The following EHMT1 variants were observed in gnomAD, a reference collection of about 807,000 sequenced individuals.
EHMT1 encodes the protein histone-lysine N-methyltransferase EHMT1.
A neutral mutation model predicts 147.2 loss-of-function variants in EHMT1; 15 were observed. The observed-to-expected ratio is 0.10, with a 90% CI of 0.07 to 0.16. The LOEUF is 0.16. Ranked by LOEUF, EHMT1 falls within the 10% of genes least tolerant of loss-of-function variation. The pLI is 1.00. For missense variants in EHMT1, 1,587 were observed against 1,772.4 expected (o/e 0.90, Z 1.88); for synonymous variants, 795 against 709.6 (o/e 1.12, Z -1.91).
chr9:137,692,213 A>G (rs917772915), intron 1 of EHMT1, among the ~76,000 whole-genome samples: 2 of 151,550 alleles, frequency 1.3e-5, no homozygotes, highest in Non-Finnish European at 1.5e-5. Flanking sequence ...TTCACATGGC[A>G]TGTCGTCACT....
Position 137,775,139 on chromosome 9 carries a change from T to C in EHMT1, c.1678T>C (p.Tyr560His). Residue 560 changes from tyrosine (Y) to histidine (H), a missense_variant, in exon 11 of 27, where the codon TAT (tyrosine) becomes CAT (histidine). Transcript: ENST00000460843. This position sits in a 1 kb window ranked among gnomAD's most constrained non-coding sequence, Gnocchi z 6.1. ...CCGGTGCACAAACAGCGTGGTCAAG[T>C]ATGAGCTGATGCGCCCCTCCAACAA... ...LGRCTNSVVKYELMRPSNKAP... is the reference protein window; with the variant it reads ...LGRCTNSVVKHELMRPSNKAP... The C allele has an allele frequency of 6.2e-7, 1 of 1,614,082 alleles. No homozygotes were observed. Among genetic ancestry groups the C allele is most frequent in the Admixed American group, 1.7e-5 (1 of 60,032 alleles).
intron 6 of EHMT1, among the ~76,000 whole-genome samples, chr9:137,749,281 T>TTG (rs375464290): frequency 2.0e-5 from 3 of 151,746 alleles, no homozygotes; most frequent in African/African-American, 7.3e-5. Flanking sequence ...ACTTTATTAT[T>TTG]TGTGTGTGTG....
intron 1 of EHMT1, among the ~76,000 whole-genome samples, chr9:137,631,284 C>T (rs1047742064): frequency 6.6e-5 from 10 of 151,718 alleles, no homozygotes; most frequent in African/African-American, 9.7e-5. Context: ...CCCAGCTACT[C>T]GGGAGGCTGA....
chr9:137,636,347 T>G (rs1844071334), intron 1 of EHMT1, among the ~76,000 whole-genome samples: 1 of 152,262 alleles, frequency 6.6e-6, no homozygotes, highest in South Asian at 2.1e-4. Flanking sequence ...TATAGGATTA[T>G]GTCATTTGGG....
intron 10 of EHMT1, among the ~76,000 whole-genome samples, chr9:137,773,069 G>T (rs542185524): frequency 6.6e-5 from 10 of 152,164 alleles, no homozygotes; most frequent in Admixed American, 5.9e-4. Context: ...CATGCCGATT[G>T]TAAAATAATC....
In EHMT1 at chr9:137,693,467, G is replaced by A. The variant is rs971565826; in HGVS notation, c.22-17500G>A. Among the ~76,000 whole-genome samples, 5 of 152,084 alleles carry A rather than the reference G, an allele frequency of 3.3e-5. 1 individual carries two copies. In the South Asian group the frequency reaches 8.3e-4, roughly 25 times the overall value. ...GGCACAGAGAGGTTAAGAAACCAAG[G>A]TTACGCATCTCATTAATGACAGAGC... On this transcript the variant is annotated intron_variant, in intron 1 of 26. Transcript: ENST00000460843.
chr9:137,687,434 TAGAGTTGAGGTAG>T (rs954196650), intron 1 of EHMT1, among the ~76,000 whole-genome samples: 3 of 151,922 alleles, frequency 2.0e-5, no homozygotes, highest in Non-Finnish European at 2.9e-5. Flanking sequence ...GGAGTTGAGG[TAGAGTTGAGGTAG>T]AGAGTTGAGG....
chr9:137,647,884 A>G (rs1688943222), intron 1 of EHMT1, among the ~76,000 whole-genome samples: 2 of 152,056 alleles, frequency 1.3e-5, no homozygotes, highest in South Asian at 4.1e-4. Flanking sequence ...GACGTGAGCC[A>G]CCGCGCCCGG....
At chr9:137,742,847 A>G (rs914225024) in intron 4 of EHMT1, 2 of 189,478 alleles carry the variant, frequency 1.1e-5, no homozygotes, top group Non-Finnish European at 2.2e-5. Context: ...GTGGAGTCAC[A>G]GGGGTGGACC....
At chr9:137,722,880 CCGGGG>C in intron 3 of EHMT1, among the ~76,000 whole-genome samples, 1 of 151,828 alleles carries the variant, frequency 6.6e-6, no homozygotes, top group African/African-American at 2.4e-5. Flanking sequence ...GGGCCTGAGC[CCGGGG>C]TGTGTCTGTG....
At position 137,717,061 on chromosome 9, in the gene EHMT1, C is replaced by A. The variant is rs914534643; in HGVS notation, c.521C>A (p.Ala174Asp). The A allele has an allele frequency of 6.2e-7, 1 of 1,607,482 alleles. No individual in the cohort carries two copies. The highest frequency in any genetic ancestry group is 1.7e-5 in the Admixed American group (1 of 59,646). ...AGCGCTTTTCCCCAGACGCCAGCCGCCCCACCAGCCACCCTTGGGGAGGGG... is the reference window on the plus strand; with the variant it reads ...AGCGCTTTTCCCCAGACGCCAGCCGACCCACCAGCCACCCTTGGGGAGGGG... ...TPSAFPQTPA[A>D]PPATLGEGSA... The change falls in exon 3 of 27, where the codon GCC (alanine) becomes GAC (aspartate). Residue 174 changes from alanine to aspartate, a missense_variant. Transcript: ENST00000460843.
At chr9:137,668,612 C>T (rs1939977908) in intron 1 of EHMT1, among the ~76,000 whole-genome samples, 1 of 152,172 alleles carries the variant, frequency 6.6e-6, no homozygotes, top group Admixed American at 6.5e-5. Flanking sequence ...CAGTTCCTTC[C>T]CGTGTCCCCC....
intron 25 of EHMT1, among the ~76,000 whole-genome samples, chr9:137,822,130 C>T (rs1955465593): frequency 6.6e-6 from 1 of 152,202 alleles, no homozygotes; most frequent in East Asian, 1.9e-4. Flanking sequence ...ATGAGTTCCA[C>T]CTGCATTCAC....
rs756022097 is a variant in EHMT1 at position 137,814,147 on chromosome 9, G to C, written c.3181-284G>C. The C allele has an allele frequency of 6.4e-6, 3 of 470,020 alleles. No individual in the cohort carries two copies. In the East Asian group the frequency reaches 1.2e-4, roughly 19 times the overall value. The allele number at this position is 470,020 out of a possible 1,614,324, so 29.1% of individuals were successfully genotyped here. On this transcript the variant is annotated intron_variant, in intron 21 of 26. Transcript: ENST00000460843. ...CGAGCATCTGGCCACAAATGCAGCC[G>C]CCGCCCAGCCCTTCACCCACCCCAC...
At chr9:137,654,339 G>T (rs949951062) in intron 1 of EHMT1, among the ~76,000 whole-genome samples, 5 of 151,912 alleles carry the variant, frequency 3.3e-5, no homozygotes, top group Non-Finnish European at 2.9e-5. Context: ...ACTCCAGCCT[G>T]GGCGACAGAG....
chr9:137,643,560 A>G (rs528393270), intron 1 of EHMT1, among the ~76,000 whole-genome samples: 97 of 151,774 alleles, frequency 6.4e-4, no homozygotes, highest in African/African-American at 1.8e-3. Context: ...GTGTTAGCCA[A>G]GATGGTCTGG....
rs7864620 is a variant in EHMT1, at chr9:137,775,871, C to T, written c.1791+619C>T. 0.049 allele frequency among the ~76,000 whole-genome samples: 7,405 copies of T among 151,470 alleles called. 594 individuals carry two copies. Among genetic ancestry groups the T allele is most frequent in the African/African-American group, 0.17 (6,935 of 41,174 alleles). On this transcript the variant is annotated intron_variant, in intron 11 of 26. Coordinates refer to ENST00000460843, the MANE Select transcript of EHMT1 (RefSeq NM_024757.5). This position sits in a 1 kb window ranked among gnomAD's most constrained non-coding sequence, Gnocchi z 6.1. Reference sequence around the variant, plus strand: ...TGGAGCTCCCCTGTGTGGGCATCCTCGTGCATGTAGGGTGTGTGTGTGTGT... The same window carrying T: ...TGGAGCTCCCCTGTGTGGGCATCCTTGTGCATGTAGGGTGTGTGTGTGTGT...
chr9:137,806,788 A>C (rs1280048619), intron 18 of EHMT1, among the ~76,000 whole-genome samples: 1 of 152,174 alleles, frequency 6.6e-6, no homozygotes, highest in African/African-American at 2.4e-5. Context: ...TCTTTGAAAG[A>C]TATTCTTAGA....
At chr9:137,831,520 G>C (rs945867414) in intron 25 of EHMT1, among the ~76,000 whole-genome samples, 28 of 152,216 alleles carry the variant, frequency 1.8e-4, no homozygotes, top group Admixed American at 1.4e-3. Flanking sequence ...CCCAGTGATG[G>C]CTTCAGCAGC....
Sources: allele counts gnomAD v4.1 joint callset (sites outside exome capture counted in the v4.1 genomes callset), GRCh38; gene constraint gnomAD v4.1.1; non-coding constraint Gnocchi (gnomAD v3.1); transcripts MANE v1.5; gene names NCBI Gene and HGNC (gene_info 2026-07-23, HGNC 2026-07-21).